Variants in EPHA7 observed in about 807,000 individuals in gnomAD.
EPHA7 encodes EPH receptor A7.
Under a neutral mutation model 112.6 loss-of-function variants are expected in EPHA7, and 25 were observed. That is an observed-to-expected ratio of 0.22 (90% CI 0.16 to 0.31). The LOEUF is 0.31. Ranked by LOEUF, EPHA7 falls within the 10% of genes least tolerant of loss-of-function variation. The pLI, the probability that EPHA7 is intolerant of heterozygous loss-of-function variation, is 1.00. For missense variants in EPHA7, 962 were observed against 1,212.6 expected (o/e 0.79, Z 3.07); for synonymous variants, 437 against 406.5 (o/e 1.07, Z -0.90).
At chr6:93,377,928 A>G (rs1383561967) in intron 3 of EPHA7, among the ~76,000 whole-genome samples, 1 of 152,126 alleles carries the variant, frequency 6.6e-6, no homozygotes, top group Non-Finnish European at 1.5e-5. Flanking sequence ...GACCCCTTGT[A>G]GGAAGAAAAA....
chr6:93,304,016 G>A (rs1773125695), intron 5 of EPHA7, among the ~76,000 whole-genome samples: 1 of 152,024 alleles, frequency 6.6e-6, no homozygotes, highest in African/African-American at 2.4e-5. Context: ...TGCATCTGTT[G>A]TTAAAGACAG....
chr6:93,353,289 G>A (rs886771634), intron 5 of EPHA7, among the ~76,000 whole-genome samples: 1 of 151,960 alleles, frequency 6.6e-6, no homozygotes, highest in African/African-American at 2.4e-5. Context: ...GAACAAAAAT[G>A]TATGGTTCAG....
At chr6:93,393,831 TC>T (rs1406474767) in intron 3 of EPHA7, among the ~76,000 whole-genome samples, 1 of 151,720 alleles carries the variant, frequency 6.6e-6, no homozygotes, top group Non-Finnish European at 1.5e-5. Flanking sequence ...ATCATATTTT[TC>T]CCCTCTTTTA....
intron 3 of EPHA7, among the ~76,000 whole-genome samples, chr6:93,384,423 A>G (rs1293143161): frequency 1.3e-5 from 2 of 152,210 alleles, no homozygotes; most frequent in East Asian, 3.9e-4. Flanking sequence ...GCCCTCCTTA[A>G]GAATTCTTGG....
At chr6:93,285,954 C>T (rs1030543836) in intron 5 of EPHA7, among the ~76,000 whole-genome samples, 2 of 152,078 alleles carry the variant, frequency 1.3e-5, no homozygotes, top group Admixed American at 1.3e-4. Flanking sequence ...TTTACATATT[C>T]CCTCTGGCTG....
At chr6:93,347,810 G>C (rs896139176) in intron 5 of EPHA7, among the ~76,000 whole-genome samples, 1 of 151,710 alleles carries the variant, frequency 6.6e-6, no homozygotes, top group Admixed American at 6.6e-5. Flanking sequence ...GGGGGTTAGG[G>C]CTTCAGCATA....
intron 5 of EPHA7, among the ~76,000 whole-genome samples, chr6:93,279,145 T>C (rs1273785038): frequency 6.6e-6 from 1 of 152,140 alleles, no homozygotes; most frequent in Non-Finnish European, 1.5e-5. Flanking sequence ...CCTGTCCCCA[T>C]GTAACTAAGG....
In EPHA7 at chr6:93,393,322, T is replaced by C. The variant is rs375863812; in HGVS notation, c.832+17179A>G. 1.6e-4 allele frequency among the ~76,000 whole-genome samples: 25 copies of C among 151,954 alleles called. No individual in the cohort carries two copies. In the East Asian group the frequency reaches 4.1e-3, roughly 25 times the overall value. ...GGCTAATAAATATCTGAAATATAAA[T>C]CAGTATCATATGTAAATACAGTACC... On this transcript the variant is annotated intron_variant, in intron 3 of 16. Transcript: ENST00000369303.
rs1769902179 is a variant in EPHA7 at position 93,245,433 on chromosome 6, T to C, written c.2747A>G (p.Asp916Gly). 1 of 1,613,308 alleles carries C rather than the reference T, an allele frequency of 6.2e-7. No individual in the cohort carries two copies. The highest frequency in any genetic ancestry group is 8.5e-7 in the Non-Finnish European group (1 of 1,179,732). The change falls in exon 16 of 17, where the codon GAT becomes GGT. Residue 916 changes from aspartate (D) to glycine (G), a missense_variant. Asp to Gly is a moderately conservative substitution (Grantham distance 94). Transcript: ENST00000369303. Reference protein sequence around the residue: ...TCSRPISPLLDQNTPDFTTFC... With the variant: ...TCSRPISPLLGQNTPDFTTFC... The stretch of plus-strand genomic sequence containing the variant: ...GGTAGTGAAATCAGGAGTGTTTTGA[T>C]CCAGAAGAGGGCTTATTGGCCTAGA...
chr6:93,365,816 G>A (rs1297072990), intron 3 of EPHA7, among the ~76,000 whole-genome samples: 1 of 152,048 alleles, frequency 6.6e-6, no homozygotes, highest in Admixed American at 6.6e-5. Flanking sequence ...TGATAACATG[G>A]GGATTTTTAA....
At chr6:93,260,098 A>G (rs990171277) in intron 9 of EPHA7, among the ~76,000 whole-genome samples, 1 of 151,950 alleles carries the variant, frequency 6.6e-6, no homozygotes, top group Non-Finnish European at 1.5e-5. Flanking sequence ...AGGGCAATAG[A>G]GGCCAGATAT....
intron 3 of EPHA7, among the ~76,000 whole-genome samples, chr6:93,363,377 C>G (rs897689602): frequency 6.6e-5 from 10 of 151,930 alleles, no homozygotes; most frequent in African/African-American, 2.4e-4. Flanking sequence ...ATAAGCCAAT[C>G]AAAAATATGC....
intron 3 of EPHA7, among the ~76,000 whole-genome samples, chr6:93,388,030 T>G (rs1179878139): frequency 6.6e-6 from 1 of 152,042 alleles, no homozygotes; most frequent in Non-Finnish European, 1.5e-5. Flanking sequence ...CAATTCATGA[T>G]CCAGGAGGAA....
At chr6:93,269,409 T>C in intron 7 of EPHA7, 68 bp downstream of exon 7, 1 of 1,348,148 alleles carries the variant, frequency 7.4e-7, no homozygotes, top group East Asian at 2.5e-5. Context: ...ATCACCTCAA[T>C]ATTGAAAAAA....
In EPHA7 at chr6:93,272,362, G is replaced by A; in HGVS notation, c.1385C>T (p.Ser462Phe). ...ERVLQRSVEL[S>F]WQEPEHPNGV... is the part of the protein sequence containing the mutation. ...ATTGGGATGCTCTGGTTCCTGCCAG[G>A]AAAGCTCGACACTCCGCTGCAGTAC... The change falls in exon 6 of 17, where the codon TCC becomes TTC. Residue 462 changes from serine (S) to phenylalanine (F), a missense_variant. By Grantham distance (155) the Ser-to-Phe change is radical. This residue lies in a region of EPHA7 where 746 missense variants were observed against 889.2 expected (regional missense o/e 0.84). Transcript: ENST00000369303. The A allele has an allele frequency of 1.2e-6, 2 of 1,612,168 alleles. No individual in the cohort carries two copies. Among genetic ancestry groups the A allele is most frequent in the Non-Finnish European group, 1.7e-6 (2 of 1,178,694 alleles).
chr6:93,371,552 A>ATG (rs1776798374), intron 3 of EPHA7, among the ~76,000 whole-genome samples: 1 of 152,212 alleles, frequency 6.6e-6, no homozygotes, highest in Non-Finnish European at 1.5e-5. Flanking sequence ...ATTAGACTCA[A>ATG]CACCTATGTG....
At chr6:93,320,936 T>C (rs1323531079) in intron 5 of EPHA7, among the ~76,000 whole-genome samples, 1 of 151,938 alleles carries the variant, frequency 6.6e-6, no homozygotes, top group African/African-American at 2.4e-5. Flanking sequence ...TAAAATGTTA[T>C]ATAGTTAGCA....
chr6:93,371,498 C>G (rs923008587), intron 3 of EPHA7, among the ~76,000 whole-genome samples: 1 of 152,108 alleles, frequency 6.6e-6, no homozygotes, highest in African/African-American at 2.4e-5. Flanking sequence ...TAACTCACCC[C>G]CCTTGATACT....
At chr6:93,325,147 T>C (rs1774255612) in intron 5 of EPHA7, among the ~76,000 whole-genome samples, 1 of 151,316 alleles carries the variant, frequency 6.6e-6, no homozygotes, top group Non-Finnish European at 1.5e-5. Flanking sequence ...AGGAATAATA[T>C]ATGCATATAG....
Sources: gnomAD v4.1 joint callset for allele counts (sites outside exome capture counted in the v4.1 genomes callset) on GRCh38, gnomAD v4.1.1 for gene constraint, gnomAD v4.1.1 regional missense constraint, MANE v1.5 for transcripts, NCBI Gene and HGNC (gene_info 2026-07-23, HGNC 2026-07-21) for gene names.